KIF16B: variants seen among roughly 807,000 people sequenced by gnomAD.
KIF16B encodes the protein kinesin-like protein KIF16B.
KIF16B carries 98 observed loss-of-function variants against 156.3 expected under a neutral mutation model. The ratio of observed to expected loss-of-function variants is 0.63; its 90% CI spans 0.53 to 0.74. The LOEUF is 0.74. Among genes scored for constraint, KIF16B ranks in the 30% least tolerant of loss-of-function variants. The pLI is 0.00. For missense variants in KIF16B, 1,421 were observed against 1,606.5 expected, an observed-to-expected ratio of 0.88 and a Z score of 1.97; for synonymous variants, 564 against 583.7, an observed-to-expected ratio of 0.97 and a Z score of 0.49.
At chr20:16,426,344 C>T (rs1292284024) in intron 15 of KIF16B, among the ~76,000 whole-genome samples, 8 of 152,064 alleles carry the variant, frequency 5.3e-5, no homozygotes, top group Admixed American at 5.2e-4. Context: ...CATATCTGAC[C>T]TACTGTTTTC....
chr20:16,471,485 A>C (rs561234382), intron 12 of KIF16B, among the ~76,000 whole-genome samples: 1 of 152,334 alleles, frequency 6.6e-6, no homozygotes, highest in East Asian at 1.9e-4. Context: ...ATTTTGTATC[A>C]TCACAATTTG....
intron 1 of KIF16B, among the ~76,000 whole-genome samples, chr20:16,559,777 G>C (rs1256113557): frequency 3.5e-5 from 3 of 85,820 alleles, no homozygotes; most frequent in Non-Finnish European, 6.5e-5. Flanking sequence ...AAAAGACCTT[G>C]TCTCAAAAAA....
chr20:16,357,748 A>G (rs1285367314), intron 22 of KIF16B, among the ~76,000 whole-genome samples: 2 of 152,230 alleles, frequency 1.3e-5, no homozygotes, highest in African/African-American at 4.8e-5. Context: ...GCTGCTTTTA[A>G]TCTAGCTGAC....
Position 16,379,192 on chromosome 20 carries a change from C to T in KIF16B, c.2810G>A (p.Ser937Asn). 6.2e-7 allele frequency: 1 copy of T among 1,614,132 alleles called. No homozygotes were observed. Among genetic ancestry groups the T allele is most frequent in the Non-Finnish European group, 8.5e-7 (1 of 1,180,028 alleles). The change falls in exon 19 of 26, where the codon AGC becomes AAC. Residue 937 changes from serine (S) to asparagine (N), a missense_variant. By Grantham distance (46) the Ser-to-Asn change is conservative. Coordinates refer to ENST00000354981, the MANE Select transcript of KIF16B (RefSeq NM_024704.5). ...TACTTGATAAAGAGTGTTGTCTAAGCTGAGAGGGCCTCTGTCAAGAATTTC... is the reference window on the plus strand; with the variant it reads ...TACTTGATAAAGAGTGTTGTCTAAGTTGAGAGGGCCTCTGTCAAGAATTTC... ...AFEILDRGPL[S>N]LDNTLYQVEK...
At chr20:16,280,841 CGTGT>C (rs1555833614) in intron 25 of KIF16B, among the ~76,000 whole-genome samples, 33 of 74,444 alleles carry the variant, frequency 4.4e-4, no homozygotes, top group Non-Finnish European at 7.0e-4. Context: ...TGCGCGCGCA[CGTGT>C]GTGTGTGTGT....
chr20:16,500,924 T>C (rs886833215), intron 10 of KIF16B, among the ~76,000 whole-genome samples: 5 of 152,202 alleles, frequency 3.3e-5, no homozygotes, highest in African/African-American at 1.2e-4. Flanking sequence ...TTTTCATTTC[T>C]ATACTGTTTG....
intron 3 of KIF16B, among the ~76,000 whole-genome samples, chr20:16,519,001 T>C (rs777151405): frequency 6.6e-6 from 1 of 152,180 alleles, no homozygotes; most frequent in Non-Finnish European, 1.5e-5. Flanking sequence ...AGCCCCATGG[T>C]CCAATTCTGC....
At chr20:16,490,050 C>G (rs1449081195) in intron 12 of KIF16B, among the ~76,000 whole-genome samples, 1 of 152,102 alleles carries the variant, frequency 6.6e-6, no homozygotes. Flanking sequence ...TGTCACTCTG[C>G]CCACTAGGTC....
chr20:16,281,305 C>A (rs1049395643), intron 25 of KIF16B, among the ~76,000 whole-genome samples: 2 of 152,100 alleles, frequency 1.3e-5, no homozygotes, highest in African/African-American at 2.4e-5. Context: ...ACCACGGTGG[C>A]GGCTTAAAGA....
chr20:16,338,341 T>C (rs969040695), intron 23 of KIF16B, among the ~76,000 whole-genome samples: 2 of 152,178 alleles, frequency 1.3e-5, no homozygotes, highest in African/African-American at 2.4e-5. Context: ...TCTGTGAGCA[T>C]AGTGCTTTCA....
chr20:16,380,833 T>C (rs979856657), intron 18 of KIF16B, among the ~76,000 whole-genome samples: 1 of 152,160 alleles, frequency 6.6e-6, no homozygotes, highest in African/African-American at 2.4e-5. Context: ...ACAAATGATC[T>C]CCACTGGGTA....
chr20:16,382,120 T>C (rs751925644), intron 17 of KIF16B: 12 of 1,354,472 alleles, frequency 8.9e-6, no homozygotes, highest in East Asian at 9.1e-5. Context: ...GGTCCTTTTA[T>C]AGGGAAAAGA....
intron 25 of KIF16B, among the ~76,000 whole-genome samples, chr20:16,292,992 G>A (rs775761578): frequency 3.9e-5 from 6 of 152,190 alleles, no homozygotes; most frequent in Non-Finnish European, 7.3e-5. Context: ...GACAGAGATA[G>A]ACGAGACAGA....
intron 15 of KIF16B, among the ~76,000 whole-genome samples, chr20:16,410,440 T>A (rs1255160634): frequency 6.6e-6 from 1 of 151,714 alleles, no homozygotes; most frequent in Non-Finnish European, 1.5e-5. Context: ...GTTTTGGAGT[T>A]CTGATTATTT....
At chr20:16,371,589 C>A (rs1433427969) in intron 21 of KIF16B, 76 bp downstream of exon 21, 456 of 624,328 alleles carry the variant, frequency 7.3e-4, no homozygotes, top group African/African-American at 2.9e-3. Flanking sequence ...GACTCAGTCT[C>A]AAAAAAAAAA....
At chr20:16,420,183 C>T (rs923696913) in intron 15 of KIF16B, among the ~76,000 whole-genome samples, 1 of 152,158 alleles carries the variant, frequency 6.6e-6, no homozygotes, top group African/African-American at 2.4e-5. Context: ...TTAATGCTCA[C>T]AGTAGCAGCA....
chr20:16,392,620 C>A (rs769980155), intron 17 of KIF16B, among the ~76,000 whole-genome samples: 1 of 152,218 alleles, frequency 6.6e-6, no homozygotes, highest in Non-Finnish European at 1.5e-5. Flanking sequence ...CATGCCGATA[C>A]GCCTAACCAG....
In KIF16B at chr20:16,374,630, A is replaced by G. The variant is rs2064902525; in HGVS notation, c.3198-221T>C. ...AGGACGAGCACTGCAGGCATCCAGAAGGTAGAGTAATTTTGACTACCAAGA... is the reference window on the plus strand; with the variant it reads ...AGGACGAGCACTGCAGGCATCCAGAGGGTAGAGTAATTTTGACTACCAAGA... On this transcript the variant is annotated intron_variant, in intron 19 of 25. Transcript: ENST00000354981. 2.0e-5 allele frequency among the ~76,000 whole-genome samples: 3 copies of G among 152,184 alleles called. No individual in the cohort carries two copies. The South Asian group carries it at 6.2e-4, about 32-fold the overall frequency.
At chr20:16,301,143 C>T (rs1185765941) in intron 25 of KIF16B, among the ~76,000 whole-genome samples, 5 of 152,164 alleles carry the variant, frequency 3.3e-5, no homozygotes, top group Admixed American at 3.3e-4. Flanking sequence ...AATGTTCTGC[C>T]AAAATCTCTT....
Sources: gnomAD v4.1 joint callset for allele counts (sites outside exome capture counted in the v4.1 genomes callset) on GRCh38, gnomAD v4.1.1 for gene constraint, MANE v1.5 for transcripts, NCBI Gene and HGNC (gene_info 2026-07-23, HGNC 2026-07-21) for gene names.